The following RP1 variants were observed in gnomAD, a reference collection of about 807,000 sequenced individuals.
RP1 encodes the protein oxygen-regulated protein 1.
Under a neutral mutation model 14.8 loss-of-function variants are expected in RP1, and 16 were observed. The observed-to-expected ratio is 1.08, with a 90% CI of 0.73 to 1.65. RP1 has a LOEUF of 1.65. RP1 is among the 40% of genes most tolerant of loss of function. The pLI, the probability that RP1 is intolerant of heterozygous loss-of-function variation, is 0.00. For missense variants in RP1, 2,631 were observed against 2,535.0 expected, an observed-to-expected ratio of 1.04 and a Z score of -0.81; for synonymous variants, 876 against 883.6, an observed-to-expected ratio of 0.99 and a Z score of 0.15.
At chr8:54,711,575 G>A (rs1023258549) in intron 15 of RP1, among the ~76,000 whole-genome samples, 7 of 152,094 alleles carry the variant, frequency 4.6e-5, no homozygotes, top group Non-Finnish European at 1.0e-4. Context: ...CTGAGCGAGC[G>A]CTCTTAGGTT....
intron 22 of RP1, among the ~76,000 whole-genome samples, chr8:54,759,981 G>A (rs758826473): frequency 6.6e-6 from 1 of 152,092 alleles, no homozygotes; most frequent in South Asian, 2.1e-4. Flanking sequence ...CAAAATAGGG[G>A]CAAGCAGAAA....
intron 5 of RP1, chr8:54,656,021 C>A: frequency 1.6e-6 from 2 of 1,272,180 alleles, no homozygotes; most frequent in Non-Finnish European, 2.1e-6. Flanking sequence ...TGAACAAAAA[C>A]TTATTTGACA....
chr8:54,698,391 A>G (rs1290759114), intron 12 of RP1, among the ~76,000 whole-genome samples: 1 of 152,136 alleles, frequency 6.6e-6, no homozygotes, highest in Non-Finnish European at 1.5e-5. Context: ...GAAACAACAG[A>G]TACTGGAGAG....
At chr8:54,634,001 A>G (rs1806302084), downstream of RP1, among the ~76,000 whole-genome samples, 2 of 152,080 alleles carry the variant, frequency 1.3e-5, no homozygotes, top group African/African-American at 4.8e-5. Flanking sequence ...ATTCTCATAA[A>G]AAGTCCTGAG....
At chr8:54,708,681 C>T (rs1808218013) in intron 15 of RP1, among the ~76,000 whole-genome samples, 1 of 151,948 alleles carries the variant, frequency 6.6e-6, no homozygotes, top group Non-Finnish European at 1.5e-5. Flanking sequence ...CTTGGTTCTT[C>T]ACTTCCAGCC....
intron 1 of RP1, among the ~76,000 whole-genome samples, chr8:54,597,254 T>G (rs1805170112): frequency 1.3e-5 from 2 of 152,260 alleles, no homozygotes; most frequent in South Asian, 4.2e-4. Context: ...CAACTCCAGT[T>G]TTTCTACTTG....
intron 3 of RP1, among the ~76,000 whole-genome samples, chr8:54,645,493 T>C (rs1400453289): frequency 6.6e-6 from 1 of 152,206 alleles, no homozygotes; most frequent in African/African-American, 2.4e-5. Flanking sequence ...CATTTCATTT[T>C]CTCCTGTGTT....
chr8:54,660,328 C>T (rs553259395), intron 6 of RP1, among the ~76,000 whole-genome samples: 10 of 152,136 alleles, frequency 6.6e-5, no homozygotes, highest in Admixed American at 3.9e-4. Context: ...TTATATATTG[C>T]CATTATTATG....
rs1469440395 is a variant in RP1, at chr8:54,624,829, A to G, written c.947A>G (p.Glu316Gly). ...DSQNLPIYPSEDDIEKSIIFN... is the reference protein window; with the variant it reads ...DSQNLPIYPSGDDIEKSIIFN... ...CAGAATTTACCAATATATCCTTCTG[A>G]AGATGATATTGAGAAATCAATTATT... Residue 316 changes from glutamate (E) to glycine (G), a missense_variant, in exon 4 of 4, where the codon GAA (glutamate) becomes GGA (glycine). Glu to Gly is a moderately conservative substitution (Grantham distance 98). Coordinates refer to ENST00000220676, the MANE Select transcript of RP1 (RefSeq NM_006269.2). The G allele has an allele frequency of 1.2e-6, 2 of 1,613,776 alleles. No individual in the cohort carries two copies. The highest frequency in any genetic ancestry group is 1.7e-6 in the Non-Finnish European group (2 of 1,179,902).
chr8:54,732,881 C>A (rs143384142), intron 17 of RP1, among the ~76,000 whole-genome samples: 95 of 152,314 alleles, frequency 6.2e-4, no homozygotes, highest in African/African-American at 2.2e-3. Flanking sequence ...CACACTTGCT[C>A]TGCCTGGGTT....
At chr8:54,592,576 C>T (rs1350204688) in intron 1 of RP1, among the ~76,000 whole-genome samples, 1 of 152,150 alleles carries the variant, frequency 6.6e-6, no homozygotes, top group Non-Finnish European at 1.5e-5. Context: ...CTATTAGATT[C>T]CTTTTCTGTG....
intron 12 of RP1, among the ~76,000 whole-genome samples, chr8:54,686,800 T>G (rs867023690): frequency 3.5e-4 from 54 of 152,294 alleles, no homozygotes; most frequent in African/African-American, 1.2e-3. Flanking sequence ...AAATATTTAC[T>G]ATAAAATACA....
intron 12 of RP1, among the ~76,000 whole-genome samples, chr8:54,698,362 A>G (rs1176443637): frequency 1.3e-5 from 2 of 152,182 alleles, no homozygotes; most frequent in African/African-American, 4.8e-5. Flanking sequence ...AGTTAGAATG[A>G]CGATCATTAA....
intron 6 of RP1, among the ~76,000 whole-genome samples, chr8:54,662,712 A>G (rs1183249675): frequency 2.6e-5 from 4 of 152,060 alleles, no homozygotes; most frequent in African/African-American, 9.7e-5. Flanking sequence ...GGTGCATTGA[A>G]TCCAGGCTGG....
chr8:54,743,344 T>A (rs2129360621), intron 19 of RP1, among the ~76,000 whole-genome samples: 1 of 152,330 alleles, frequency 6.6e-6, no homozygotes, highest in South Asian at 2.1e-4. Flanking sequence ...CATAAAATTT[T>A]TACCCACTAA....
chr8:54,848,913 G>A (rs1041673608), intron 25 of RP1, among the ~76,000 whole-genome samples: 3 of 151,924 alleles, frequency 2.0e-5, no homozygotes, highest in East Asian at 3.9e-4. Context: ...CACGCCCTGC[G>A]AATTTTTGTA....
At chr8:54,564,236 G>A (rs867350580) in intron 1 of RP1, among the ~76,000 whole-genome samples, 10 of 152,190 alleles carry the variant, frequency 6.6e-5, no homozygotes, top group Middle Eastern at 3.4e-3. Context: ...TCATTGCAGG[G>A]TCTGAGGATG....
intron 1 of RP1, among the ~76,000 whole-genome samples, chr8:54,600,242 C>T (rs1805244042): frequency 6.6e-6 from 1 of 152,140 alleles, no homozygotes; most frequent in Non-Finnish European, 1.5e-5. Flanking sequence ...CTGTCTCTTG[C>T]CTGCCATAAT....
intron 13 of RP1, chr8:54,701,358 T>G: frequency 6.4e-5 from 48 of 744,480 alleles, no homozygotes; most frequent in East Asian, 1.7e-4. Flanking sequence ...TTCAAAATCA[T>G]GAGATTTTAT....
Sources: allele counts gnomAD v4.1 joint callset (sites outside exome capture counted in the v4.1 genomes callset), GRCh38; gene constraint gnomAD v4.1.1; transcripts MANE v1.5; gene names NCBI Gene and HGNC (gene_info 2026-07-23, HGNC 2026-07-21).